Variants in AZIN1 observed in about 807,000 individuals in gnomAD.
The protein encoded by AZIN1 is ornithine decarboxylase antizyme inhibitor.
Under a neutral mutation model 47.4 loss-of-function variants are expected in AZIN1, and 12 were observed. The ratio of observed to expected loss-of-function variants is 0.25; its 90% CI spans 0.16 to 0.41. AZIN1 has a LOEUF of 0.41. Among genes scored for constraint, AZIN1 ranks in the 10% least tolerant of loss-of-function variants. AZIN1 has a pLI of 1.00. For synonymous variants in AZIN1, 155 were observed against 176.3 expected (o/e 0.88, Z 0.96); for missense variants, 410 against 532.4 (o/e 0.77, Z 2.26).
rs77940868 is a variant in AZIN1, at chr8:102,839,358, A to G, written c.276+292T>C. Among the ~76,000 whole-genome samples, 2,063 of 152,282 alleles carry G rather than the reference A, an allele frequency of 0.014. 111 individuals carry two copies. In the East Asian group the frequency reaches 0.2, roughly 15 times the overall value. ...GCACCAAAGAAATCTCAGAGTTTAG[A>G]TATCTGCTGTAGTTTGGTCTAGAAG... On this transcript the variant is annotated intron_variant, in intron 4 of 11. Coordinates refer to ENST00000337198, the MANE Select transcript of AZIN1 (RefSeq NM_148174.4).
At chr8:102,834,143 CAAAG>C in intron 8 of AZIN1, 42 bp downstream of exon 8, 1 of 1,514,588 alleles carries the variant, frequency 6.6e-7, no homozygotes, top group East Asian at 2.3e-5. Flanking sequence ...ACTTAAGTAA[CAAAG>C]AAAGCAATTA....
chr8:102,836,429 C>T, intron 5 of AZIN1, 39 bp from the exon 6 acceptor site: 1 of 1,600,394 alleles, frequency 6.2e-7, no homozygotes, highest in Non-Finnish European at 8.6e-7. Flanking sequence ...AGTTGGTTTA[C>T]ATCATCATCA....
chr8:102,863,511 AC>A (rs994141558), intron 1 of AZIN1, among the ~76,000 whole-genome samples: 6 of 150,060 alleles, frequency 4.0e-5, no homozygotes, highest in African/African-American at 1.5e-4. Context: ...CGGCGGCGAG[AC>A]CCCCGCGCGC....
At chr8:102,830,401 C>CAAA (rs34437491) in intron 9 of AZIN1, among the ~76,000 whole-genome samples, 12 of 90,554 alleles carry the variant, frequency 1.3e-4, no homozygotes, top group African/African-American at 1.7e-4. Flanking sequence ...GACCCTGTCT[C>CAAA]AAAAAAAAAA....
At chr8:102,841,805 T>TA (rs1269379100) in intron 3 of AZIN1, among the ~76,000 whole-genome samples, 2,807 of 114,368 alleles carry the variant, frequency 0.025, 58 homozygotes, top group African/African-American at 0.06. Context: ...TATATATATA[T>TA]AAAAAAAAAA....
chr8:102,862,423 G>T (rs1393068287), intron 1 of AZIN1, among the ~76,000 whole-genome samples: 1 of 152,038 alleles, frequency 6.6e-6, no homozygotes, highest in Non-Finnish European at 1.5e-5. Flanking sequence ...GGGGAGAAAG[G>T]CACTGACTAC....
intron 8 of AZIN1, 64 bp downstream of exon 8, chr8:102,834,125 C>A: frequency 7.5e-7 from 1 of 1,328,008 alleles, no homozygotes; most frequent in South Asian, 1.2e-5. Flanking sequence ...CTGCTCTACA[C>A]ATCCACCACT....
chr8:102,838,687 C>T (rs1052304560), intron 5 of AZIN1, 57 bp downstream of exon 5: 2 of 1,447,418 alleles, frequency 1.4e-6, no homozygotes, highest in African/African-American at 2.8e-5. Flanking sequence ...AGACAAAAGA[C>T]AAACCCAACC....
At chr8:102,836,445 T>C in intron 5 of AZIN1, 55 bp from the exon 6 acceptor site, 3 of 1,558,432 alleles carry the variant, frequency 1.9e-6, no homozygotes, top group Admixed American at 1.8e-5. Context: ...CATCAGCACA[T>C]GTGAAGCCTG....
chr8:102,832,688 T>G (rs1176018296), intron 9 of AZIN1, among the ~76,000 whole-genome samples: 1 of 151,786 alleles, frequency 6.6e-6, no homozygotes, highest in Non-Finnish European at 1.5e-5. Context: ...TCACCCAGGC[T>G]GGAGTCCAGT....
In AZIN1 at chr8:102,831,548, CAGG is replaced by C. The variant is rs199920914; in HGVS notation, c.904+1505_904+1507del. On this transcript the variant is annotated intron_variant, in intron 9 of 11. Coordinates refer to ENST00000337198, the MANE Select transcript of AZIN1 (RefSeq NM_148174.4). ...ATCCCAGCTACTTGGGAGGCTGAGG[CAGG>C]AGAATTGCTTGAACCTGGGAGGTGG... 1.6e-4 allele frequency among the ~76,000 whole-genome samples: 24 copies of C among 146,280 alleles called. No homozygotes were observed. In the East Asian group the frequency reaches 1.8e-3, roughly 11 times the overall value.
chr8:102,855,399 A>G (rs1293488319), intron 2 of AZIN1: 1 of 152,162 alleles, frequency 6.6e-6, no homozygotes, highest in Non-Finnish European at 1.5e-5. Context: ...CTTTTTCACA[A>G]TTAGGGGCCC....
intron 2 of AZIN1, 101 bp from the exon 3 acceptor site, chr8:102,843,848 C>A: frequency 1.3e-6 from 1 of 794,218 alleles, no homozygotes; most frequent in Non-Finnish European, 1.8e-6. Context: ...GAGGAATTTA[C>A]GCAATTTTAC....
In AZIN1 at chr8:102,829,340, G is replaced by C. The variant is rs1041872417; in HGVS notation, c.1167C>G (p.Phe389Leu). 39 of 1,613,852 alleles carry C rather than the reference G, an allele frequency of 2.4e-5. No individual in the cohort carries two copies. Among genetic ancestry groups the C allele is most frequent in the Non-Finnish European group, 3.1e-5 (37 of 1,179,896 alleles). The change falls in exon 11 of 12, where the codon TTC (phenylalanine) becomes TTG (leucine). Residue 389 changes from phenylalanine to leucine, a missense_variant. Physicochemically the swap from Phe to Leu is conservative, Grantham distance 22. This residue lies in a region of AZIN1 where 168 missense variants were observed against 198.3 expected (regional missense o/e 0.85). Coordinates refer to ENST00000337198, the MANE Select transcript of AZIN1 (RefSeq NM_148174.4). ...AATCATTAAAAGCAGATGGTTCATGGAAAGAATCTGCTCCCATGTTATCAA... is the reference window on the plus strand; with the variant it reads ...AATCATTAAAAGCAGATGGTTCATGCAAAGAATCTGCTCCCATGTTATCAA... ...LIFDNMGADS[F>L]HEPSAFNDFQ... is the part of the protein sequence containing the mutation.
intron 5 of AZIN1, 118 bp from the exon 6 acceptor site, chr8:102,836,508 C>T (rs527941096): frequency 8.5e-5 from 94 of 1,111,854 alleles, no homozygotes; most frequent in Middle Eastern, 6.2e-4. Context: ...AATCCAGCGA[C>T]GGATGAATCA....
intron 2 of AZIN1, chr8:102,855,279 T>TG (rs1468817438): frequency 6.6e-6 from 1 of 152,186 alleles, no homozygotes; most frequent in Non-Finnish European, 1.5e-5. Context: ...AAGCTGGTCT[T>TG]GAACTCCTGA....
chr8:102,834,937 C>T (rs927238785), intron 6 of AZIN1, 190 bp from the exon 7 acceptor site: 14 of 519,348 alleles, frequency 2.7e-5, no homozygotes, highest in East Asian at 1.6e-4. Flanking sequence ...ATAGAAAAGG[C>T]AATGCCAAGA....
At position 102,858,061 on chromosome 8, in the gene AZIN1, A is replaced by C; in HGVS notation, c.-144T>G. 1 of 399,060 alleles carries C rather than the reference A, an allele frequency of 2.5e-6. No individual in the cohort carries two copies. The highest frequency in any genetic ancestry group is 4.4e-5 in the Admixed American group (1 of 22,728). 24.7% of individuals were successfully genotyped at this position (399,060 alleles called of 1,614,324 possible). ...CCCCCTATCATCAGCTAGGTTCCCAAGGTGGCTCAGCGTTGAAGTCGAACT... is the reference window on the plus strand; with the variant it reads ...CCCCCTATCATCAGCTAGGTTCCCACGGTGGCTCAGCGTTGAAGTCGAACT... On this transcript the variant is annotated 5_prime_UTR_variant, in exon 2 of 12. Transcript: ENST00000337198.
intron 2 of AZIN1, among the ~76,000 whole-genome samples, chr8:102,853,087 A>G (rs1563547465): frequency 6.6e-6 from 1 of 152,256 alleles, no homozygotes; most frequent in Non-Finnish European, 1.5e-5. Flanking sequence ...CCAAACTGGA[A>G]AACTCTGAAA....
Sources: gnomAD v4.1 joint callset for allele counts (sites outside exome capture counted in the v4.1 genomes callset) on GRCh38, gnomAD v4.1.1 for gene constraint, gnomAD v4.1.1 regional missense constraint, MANE v1.5 for transcripts, NCBI Gene and HGNC (gene_info 2026-07-23, HGNC 2026-07-21) for gene names.